SDK1: variants seen among roughly 807,000 people sequenced by gnomAD.
SDK1 encodes the protein sidekick cell adhesion molecule 1.
In SDK1, 157 loss-of-function variants were observed where a neutral mutation model predicts 245.5. That is an observed-to-expected ratio of 0.64 (90% CI 0.56 to 0.73). SDK1 has a LOEUF of 0.73. Ranked by LOEUF, SDK1 falls within the 30% of genes least tolerant of loss-of-function variation. The pLI, the probability that SDK1 is intolerant of heterozygous loss-of-function variation, is 0.00. For synonymous variants in SDK1, 1,647 were observed against 1,278.5 expected (o/e 1.29, Z -6.15); for missense variants, 3,583 against 3,002.3 (o/e 1.19, Z -4.52).
In SDK1 at chr7:4,041,032, C is replaced by T. The variant is rs113483597; in HGVS notation, c.2603-8316C>T. On this transcript the variant is annotated intron_variant, in intron 17 of 44. Coordinates refer to ENST00000404826, the MANE Select transcript of SDK1 (RefSeq NM_152744.4). ...AAAGGGAAGCCTTGCCAAAGACTCT[C>T]TTACCCTCACTATCTGCCTAAATAA... Among the ~76,000 whole-genome samples, 1,095 of 152,360 alleles carry T rather than the reference C, an allele frequency of 7.2e-3. 8 individuals carry two copies. Among genetic ancestry groups the T allele is most frequent in the African/African-American group, 0.025 (1,049 of 41,586 alleles).
intron 5 of SDK1, among the ~76,000 whole-genome samples, chr7:3,943,202 G>A (rs928793917): frequency 2.6e-5 from 4 of 152,102 alleles, no homozygotes; most frequent in Admixed American, 2.0e-4. Context: ...AAAATAGAAG[G>A]CTGTGTTTTT....
At chr7:3,914,901 G>C (rs143783397) in intron 5 of SDK1, among the ~76,000 whole-genome samples, 19 of 152,350 alleles carry the variant, frequency 1.2e-4, no homozygotes, top group African/African-American at 4.3e-4. Context: ...GAAAGCGAGT[G>C]TGTTTGATGT....
chr7:3,627,884 T>C (rs1374333768), intron 2 of SDK1, among the ~76,000 whole-genome samples: 2 of 152,208 alleles, frequency 1.3e-5, no homozygotes, highest in Non-Finnish European at 2.9e-5. Context: ...ATGACTTTCT[T>C]GTTTCTGAAT....
intron 4 of SDK1, among the ~76,000 whole-genome samples, chr7:3,782,954 A>G (rs982888189): frequency 6.6e-6 from 1 of 152,222 alleles, no homozygotes; most frequent in African/African-American, 2.4e-5. Flanking sequence ...CTTGATGAAC[A>G]TAGATGCAGA....
intron 5 of SDK1, among the ~76,000 whole-genome samples, chr7:3,833,274 G>A (rs137887023): frequency 5.3e-5 from 8 of 152,262 alleles, no homozygotes; most frequent in East Asian, 1.9e-4. Flanking sequence ...GGCCCCGTGC[G>A]GTAGTTTGCT....
chr7:3,936,336 C>T (rs947199110), intron 5 of SDK1, among the ~76,000 whole-genome samples: 27 of 152,008 alleles, frequency 1.8e-4, no homozygotes, highest in Non-Finnish European at 3.8e-4. Flanking sequence ...AATCCCAGCA[C>T]TTTGGGAGGC....
intron 14 of SDK1, among the ~76,000 whole-genome samples, chr7:3,991,672 T>G (rs1437672210): frequency 6.6e-6 from 1 of 152,200 alleles, no homozygotes; most frequent in East Asian, 1.9e-4. Flanking sequence ...CTGTCTTTCC[T>G]TCAGAGCCTG....
chr7:4,058,339 C>T (rs1156994530), intron 19 of SDK1, among the ~76,000 whole-genome samples: 1 of 151,966 alleles, frequency 6.6e-6, no homozygotes, highest in East Asian at 1.9e-4. Context: ...TGAATAAAGA[C>T]TATGTGATAT....
intron 44 of SDK1, among the ~76,000 whole-genome samples, chr7:4,256,319 A>G (rs1243446633): frequency 2.0e-5 from 3 of 152,212 alleles, no homozygotes; most frequent in Non-Finnish European, 4.4e-5. Flanking sequence ...TTGCCATTCC[A>G]GAAATATCCT....
At chr7:3,587,082 T>G (rs973805890) in intron 1 of SDK1, among the ~76,000 whole-genome samples, 6 of 152,136 alleles carry the variant, frequency 3.9e-5, no homozygotes, top group Non-Finnish European at 5.9e-5. Flanking sequence ...AGAGTGATTC[T>G]TGGGCATGTG....
At chr7:3,470,726 C>T (rs565343955) in intron 1 of SDK1, among the ~76,000 whole-genome samples, 74 of 152,240 alleles carry the variant, frequency 4.9e-4, no homozygotes, top group Non-Finnish European at 9.4e-4. Context: ...CAGGAGAATC[C>T]AGTTTTCCAA....
intron 1 of SDK1, among the ~76,000 whole-genome samples, chr7:3,591,983 T>G (rs373223916): frequency 6.6e-6 from 1 of 152,338 alleles, no homozygotes; most frequent in Admixed American, 6.5e-5. Flanking sequence ...CAAACAAGGC[T>G]ACAGATAGTT....
intron 1 of SDK1, among the ~76,000 whole-genome samples, chr7:3,438,274 T>A (rs949304681): frequency 2.2e-4 from 33 of 152,330 alleles, no homozygotes; most frequent in African/African-American, 7.7e-4. Context: ...ATAAAAACAT[T>A]TAACTAGGGT....
chr7:4,265,076 G>A, intron 44 of SDK1, 48 bp from the exon 45 acceptor site: 3 of 1,513,984 alleles, frequency 2.0e-6, no homozygotes, highest in South Asian at 1.4e-5. Context: ...CACGCTCCGG[G>A]CCCTGCGCCC....
intron 1 of SDK1, among the ~76,000 whole-genome samples, chr7:3,391,427 G>T (rs1203596442): frequency 6.6e-6 from 1 of 151,922 alleles, no homozygotes; most frequent in East Asian, 1.9e-4. Context: ...AAGGAATAGA[G>T]TTGTTTCTGG....
intron 17 of SDK1, among the ~76,000 whole-genome samples, chr7:4,042,503 A>G (rs1329032492): frequency 7.3e-6 from 1 of 136,302 alleles, no homozygotes; most frequent in Non-Finnish European, 1.5e-5. Flanking sequence ...CGTGGGGGGA[A>G]TTATCCAGTG....
chr7:4,153,138 C>A (rs611712), intron 30 of SDK1, among the ~76,000 whole-genome samples: 7 of 151,804 alleles, frequency 4.6e-5, no homozygotes, highest in Non-Finnish European at 1.0e-4. Context: ...GCGGGGGTTC[C>A]AAACAGAAGA....
intron 14 of SDK1, among the ~76,000 whole-genome samples, chr7:4,003,410 C>T (rs945851504): frequency 1.3e-5 from 2 of 152,344 alleles, no homozygotes; most frequent in East Asian, 3.9e-4. Flanking sequence ...ATTCATTGAG[C>T]CCACAGTGAC....
In SDK1 at chr7:3,907,931, C is replaced by T. The variant is rs551675800; in HGVS notation, c.848-42992C>T. ...CAAGGGCTTGTGTGTGTATTGTTTA[C>T]TTTTAAAAACATTGTTTCAAGAGGG... is the stretch of plus-strand genomic sequence containing the variant. On this transcript the variant is annotated intron_variant, in intron 5 of 44. Transcript: ENST00000404826. 3.3e-4 allele frequency among the ~76,000 whole-genome samples: 50 copies of T among 152,252 alleles called. No homozygotes were observed. The South Asian group carries it at 8.9e-3, about 27-fold the overall frequency.
Sources: allele counts gnomAD v4.1 joint callset (sites outside exome capture counted in the v4.1 genomes callset), GRCh38; gene constraint gnomAD v4.1.1; transcripts MANE v1.5; gene names NCBI Gene and HGNC (gene_info 2026-07-23, HGNC 2026-07-21).